The following CD8B2 variants were observed in gnomAD, a reference collection of about 807,000 sequenced individuals.
The protein encoded by CD8B2 is T-cell surface glycoprotein CD8 beta-2 chain.
A neutral mutation model predicts 23.7 loss-of-function variants in CD8B2; 11 were observed. The observed-to-expected ratio is 0.46, with a 90% confidence interval of 0.29 to 0.77. CD8B2 has a LOEUF of 0.77. Ranked by LOEUF, CD8B2 falls within the 30% of genes least tolerant of loss-of-function variation. CD8B2 has a pLI of 0.09. For synonymous variants in CD8B2, 90 were observed against 109.3 expected, an observed-to-expected ratio of 0.82 and a Z score of 1.10; for missense variants, 197 against 270.5, an observed-to-expected ratio of 0.73 and a Z score of 1.91.
intron 5 of CD8B2, 101 bp downstream of exon 5, chr2:106,504,426 A>C: frequency 6.5e-7 from 1 of 1,545,376 alleles, no homozygotes. Flanking sequence ...TCATCTTCCA[A>C]AGATCATAGA....
chr2:106,488,978 G>C (rs2104547978), intron 1 of CD8B2, among the ~76,000 whole-genome samples: 1 of 151,886 alleles, frequency 6.6e-6, no homozygotes, highest in Admixed American at 6.6e-5. Context: ...TTTCCTTCTT[G>C]TTTTTATTTT....
At chr2:106,499,575 T>C (rs1189930681) in intron 3 of CD8B2, among the ~76,000 whole-genome samples, 2 of 149,794 alleles carry the variant, frequency 1.3e-5, no homozygotes, top group Non-Finnish European at 3.0e-5. Context: ...ATAATTTGCA[T>C]ACCGCAAAGT....
At chr2:106,533,239 C>T (rs1266725732) in intron 5 of CD8B2, among the ~76,000 whole-genome samples, 2 of 152,298 alleles carry the variant, frequency 1.3e-5, no homozygotes, top group East Asian at 3.9e-4. Context: ...GGATAGGGCT[C>T]AGGTCATCTG....
intron 5 of CD8B2, among the ~76,000 whole-genome samples, chr2:106,534,984 G>C (rs1185883701): frequency 6.6e-6 from 1 of 152,002 alleles, no homozygotes; most frequent in Non-Finnish European, 1.5e-5. Context: ...ACCTTGCCCG[G>C]CTAATTTTTG....
intron 2 of CD8B2, among the ~76,000 whole-genome samples, chr2:106,493,486 C>A (rs1288731551): frequency 2.6e-5 from 4 of 152,108 alleles, no homozygotes; most frequent in African/African-American, 9.7e-5. Context: ...CCCCTCTGGG[C>A]TCACCACTGA....
intron 5 of CD8B2, among the ~76,000 whole-genome samples, chr2:106,505,084 T>C (rs1215954397): frequency 2.0e-5 from 3 of 152,190 alleles, no homozygotes; most frequent in Non-Finnish European, 4.4e-5. Context: ...CCTTTGCAAG[T>C]TGCTTTTCCC....
intron 2 of CD8B2, among the ~76,000 whole-genome samples, chr2:106,494,731 GA>G (rs1308300323): frequency 1.3e-5 from 2 of 152,250 alleles, no homozygotes; most frequent in East Asian, 1.9e-4. Flanking sequence ...AAATGAAGGA[GA>G]GGGGTGACCC....
intron 2 of CD8B2, among the ~76,000 whole-genome samples, chr2:106,493,946 A>G (rs1021767608): frequency 1.3e-5 from 2 of 152,234 alleles, no homozygotes; most frequent in African/African-American, 4.8e-5. Flanking sequence ...TGCTCCCCAC[A>G]CATGGCTGGA....
chr2:106,515,781 A>T (rs1679720554), downstream of CD8B2, among the ~76,000 whole-genome samples: 2 of 152,122 alleles, frequency 1.3e-5, no homozygotes, highest in East Asian at 3.9e-4. Context: ...GCCTCTTCTG[A>T]ACACATCTCC....
chr2:106,491,409 T>G (rs1270481237), intron 2 of CD8B2, among the ~76,000 whole-genome samples, 176 bp downstream of exon 2: 1 of 152,112 alleles, frequency 6.6e-6, no homozygotes, highest in Non-Finnish European at 1.5e-5. Flanking sequence ...CCTCCAAGTG[T>G]TTACATAGTT....
chr2:106,524,112 T>C (rs1573347213), intron 5 of CD8B2, among the ~76,000 whole-genome samples: 1 of 152,316 alleles, frequency 6.6e-6, no homozygotes, highest in East Asian at 1.9e-4. Flanking sequence ...TTACAGGGCT[T>C]ATGATTTAGC....
rs1679179665 is a variant in CD8B2, at chr2:106,490,820, C to G, written c.44-54C>G. ...ACTTGACTCAGTGTGACTGCGAGGT[C>G]CCACAGCTGTGGCTAGGAAAATGTG... On this transcript the variant is annotated intron_variant, in intron 1 of 5. Transcript: ENST00000643224. 4 of 1,541,870 alleles carry G rather than the reference C, an allele frequency of 2.6e-6. No homozygotes were observed. In the Admixed American group the frequency reaches 6.0e-5, roughly 23 times the overall value.
Position 106,490,856 on chromosome 2 carries a change from GT to G in CD8B2, c.44-16del, listed in dbSNP as rs1383030217. ...GGCTAGGAAAATGTGCGATGTCTCT[GT>G]TCTTGGCTTTTCCTAGTTCTCCATG... is the stretch of plus-strand genomic sequence containing the variant. On this transcript the variant is annotated splice_polypyrimidine_tract_variant and intron_variant, in intron 1 of 5. Coordinates refer to ENST00000643224, the MANE Select transcript of CD8B2 (RefSeq NM_001349727.2). 1 of 1,559,114 alleles carries G rather than the reference GT, an allele frequency of 6.4e-7. No individual in the cohort carries two copies. The highest frequency in any genetic ancestry group is 8.7e-7 in the Non-Finnish European group (1 of 1,151,498).
rs1270984321 is a variant in CD8B2 at position 106,509,703 on chromosome 2, T to C, written c.*2763T>C. On this transcript the variant is annotated 3_prime_UTR_variant, in exon 6 of 6. Transcript: ENST00000643224. The stretch of plus-strand genomic sequence containing the variant: ...AATGGTGGGGGCTGCAGTGAGAAGG[T>C]CTGCACCCAGCACCTGACCTTTGTT... The C allele has an allele frequency of 6.6e-6, 1 of 151,954 alleles. No individual in the cohort carries two copies. Among genetic ancestry groups the C allele is most frequent in the Non-Finnish European group, 1.5e-5 (1 of 67,988 alleles). 9.4% of individuals were successfully genotyped at this position (151,954 alleles called of 1,614,324 possible). A position where few individuals can be genotyped will look rare whatever the true frequency, so the allele number is the denominator to read the frequency against.
chr2:106,525,715 A>G (rs568857979), intron 5 of CD8B2, among the ~76,000 whole-genome samples: 1 of 152,302 alleles, frequency 6.6e-6, no homozygotes, highest in African/African-American at 2.4e-5. Flanking sequence ...TATATAAATA[A>G]TGTATAATAT....
intron 5 of CD8B2, among the ~76,000 whole-genome samples, chr2:106,526,561 T>G (rs1361043777): frequency 6.6e-6 from 1 of 152,270 alleles, no homozygotes; most frequent in African/African-American, 2.4e-5. Flanking sequence ...CATAATGTTT[T>G]CAAGTTGTAT....
downstream of CD8B2, among the ~76,000 whole-genome samples, chr2:106,514,776 G>T (rs990286948): frequency 1.3e-5 from 2 of 149,380 alleles, no homozygotes; most frequent in African/African-American, 4.9e-5. Context: ...GTGTGTAAGA[G>T]AAGAAAGCTG....
intron 2 of CD8B2, among the ~76,000 whole-genome samples, chr2:106,491,569 AC>A (rs1679195931): frequency 6.6e-6 from 1 of 151,978 alleles, no homozygotes. Context: ...TTTTTTTGAG[AC>A]AGAGCCTCAC....
chr2:106,489,482 C>G (rs1679149487), intron 1 of CD8B2, among the ~76,000 whole-genome samples: 1 of 152,094 alleles, frequency 6.6e-6, no homozygotes, highest in African/African-American at 2.4e-5. Flanking sequence ...CTTGGGCACA[C>G]ACACATGCCC....
Sources: allele counts gnomAD v4.1 joint callset (sites outside exome capture counted in the v4.1 genomes callset), GRCh38; gene constraint gnomAD v4.1.1; transcripts MANE v1.5; gene names NCBI Gene and HGNC (gene_info 2026-07-23, HGNC 2026-07-21).